The following ITPR2 variants were observed in gnomAD, a reference collection of about 807,000 sequenced individuals.
ITPR2 encodes inositol 1,4,5-trisphosphate-gated calcium channel ITPR2.
A neutral mutation model predicts 317.1 loss-of-function variants in ITPR2; 207 were observed. That is an observed-to-expected ratio of 0.65 (90% confidence interval 0.58 to 0.73). ITPR2 has a LOEUF of 0.73. Ranked by LOEUF, ITPR2 falls within the 30% of genes least tolerant of loss-of-function variation. The probability of loss-of-function intolerance (pLI) is 0.00; values close to 1 mark genes in which losing one functional copy is unlikely to be tolerated. For missense variants in ITPR2, 2,613 were observed against 3,284.0 expected (o/e 0.80, Z 4.99); for synonymous variants, 1,156 against 1,149.1 (o/e 1.01, Z -0.12).
chr12:26,511,460 C>T (rs575872497), intron 37 of ITPR2, among the ~76,000 whole-genome samples: 8 of 152,348 alleles, frequency 5.3e-5, no homozygotes, highest in South Asian at 2.1e-4. Context: ...TCTCACTAAA[C>T]GCCAAGAAGG....
At chr12:26,414,970 G>A (rs1940672702) in intron 51 of ITPR2, among the ~76,000 whole-genome samples, 1 of 152,020 alleles carries the variant, frequency 6.6e-6, no homozygotes, top group South Asian at 2.1e-4. Context: ...TGGGGAGACA[G>A]GGAAAAAGAG....
chr12:26,731,674 A>G (rs1184361289), intron 2 of ITPR2, among the ~76,000 whole-genome samples: 1 of 152,124 alleles, frequency 6.6e-6, no homozygotes, highest in Admixed American at 6.5e-5. Context: ...GCAGTGGACT[A>G]CAAGTCCGAG....
At chr12:26,630,011 C>A (rs1382089887) in intron 22 of ITPR2, among the ~76,000 whole-genome samples, 1 of 152,148 alleles carries the variant, frequency 6.6e-6, no homozygotes, top group Non-Finnish European at 1.5e-5. Flanking sequence ...ATTGATTGAA[C>A]TGATTCTTGG....
At chr12:26,538,388 A>G (rs1477226172) in intron 37 of ITPR2, among the ~76,000 whole-genome samples, 1 of 152,150 alleles carries the variant, frequency 6.6e-6, no homozygotes, top group Non-Finnish European at 1.5e-5. Context: ...TGCTAGAACT[A>G]GCAAAGGAAA....
At chr12:26,418,916 A>T (rs1940804658) in intron 50 of ITPR2, 133 bp downstream of exon 50, 2 of 726,662 alleles carry the variant, frequency 2.8e-6, no homozygotes, top group South Asian at 6.9e-5. Context: ...TTTTCCTAGG[A>T]AATTCTAAAA....
chr12:26,534,100 C>T (rs1482736233), intron 37 of ITPR2, among the ~76,000 whole-genome samples: 1 of 152,226 alleles, frequency 6.6e-6, no homozygotes, highest in Non-Finnish European at 1.5e-5. Context: ...CGTGGAGACA[C>T]CAGCCATCAC....
chr12:26,557,932 G>T (rs1944707910), intron 35 of ITPR2, among the ~76,000 whole-genome samples: 1 of 152,054 alleles, frequency 6.6e-6, no homozygotes, highest in Non-Finnish European at 1.5e-5. Context: ...TTATCAAGCA[G>T]AACATTGCCA....
At chr12:26,407,348 T>G (rs550061850) in intron 52 of ITPR2, among the ~76,000 whole-genome samples, 1 of 152,196 alleles carries the variant, frequency 6.6e-6, no homozygotes, top group Non-Finnish European at 1.5e-5. Context: ...TTGGGCTAGA[T>G]GATTCTTTGT....
chr12:26,777,353 G>C (rs752073429), intron 2 of ITPR2, among the ~76,000 whole-genome samples: 2 of 152,160 alleles, frequency 1.3e-5, no homozygotes, highest in Admixed American at 6.5e-5. Context: ...GGCAGCACCT[G>C]CATCTTTGAA....
intron 34 of ITPR2, among the ~76,000 whole-genome samples, chr12:26,568,972 G>A (rs76861399): frequency 0.023 from 3,497 of 152,204 alleles, 104 homozygotes; most frequent in African/African-American, 0.068. Flanking sequence ...ATGGGTTATT[G>A]AAGAACTAGT....
intron 21 of ITPR2, among the ~76,000 whole-genome samples, chr12:26,642,374 C>T (rs897923471): frequency 6.6e-6 from 1 of 152,126 alleles, no homozygotes; most frequent in Non-Finnish European, 1.5e-5. Context: ...AGAGCACCAC[C>T]CTTATGAATG....
intron 55 of ITPR2, among the ~76,000 whole-genome samples, chr12:26,374,039 T>A (rs1255850873): frequency 6.6e-6 from 1 of 152,206 alleles, no homozygotes; most frequent in African/African-American, 2.4e-5. Context: ...GTTCACAGTA[T>A]GTCTGTCCTC....
intron 13 of ITPR2, among the ~76,000 whole-genome samples, chr12:26,671,569 C>T (rs1290525375): frequency 6.6e-6 from 1 of 152,102 alleles, no homozygotes; most frequent in African/African-American, 2.4e-5. Context: ...TGGAAAGGAA[C>T]AACTGGTACC....
intron 20 of ITPR2, 21 bp from the exon 21 acceptor site, chr12:26,654,147 G>A (rs367803024): frequency 1.4e-5 from 21 of 1,499,720 alleles, no homozygotes; most frequent in Middle Eastern, 2.0e-4. Flanking sequence ...AAAAAAAAGC[G>A]GGGAGGGGGA....
intron 23 of ITPR2, chr12:26,627,450 T>C (rs1338357985): frequency 6.6e-6 from 1 of 152,184 alleles, no homozygotes; most frequent in Non-Finnish European, 1.5e-5. Flanking sequence ...TTCTCCTCTG[T>C]AAAATGGCAC....
At chr12:26,670,285 C>T (rs1369635783) in intron 13 of ITPR2, among the ~76,000 whole-genome samples, 1 of 152,214 alleles carries the variant, frequency 6.6e-6, no homozygotes, top group Non-Finnish European at 1.5e-5. Flanking sequence ...AGCAGCCTAA[C>T]TGGGAGGCAC....
chr12:26,656,203 T>C (rs1363744152), intron 19 of ITPR2, 94 bp downstream of exon 19: 1 of 1,470,948 alleles, frequency 6.8e-7, no homozygotes, highest in African/African-American at 1.4e-5. Context: ...GATACACAAA[T>C]GCCTTTCCAC....
intron 37 of ITPR2, among the ~76,000 whole-genome samples, chr12:26,502,824 C>G (rs1436972521): frequency 6.6e-6 from 1 of 152,136 alleles, no homozygotes; most frequent in Non-Finnish European, 1.5e-5. Flanking sequence ...GGTCTTCCTC[C>G]TAGACAATGG....
In ITPR2 at chr12:26,597,134, A is replaced by C. The variant is rs770408724; in HGVS notation, c.4003T>G (p.Leu1335Val). ...AGCACGTCTTCACCCCCATTTATCA[A>C]CTGAAATGATAATAAGAGAGTCTAT... The part of the protein sequence containing the change: ...KKCQDMVMTE[L>V]INGGEDVLIF... The change falls in exon 31 of 57, where the codon TTG becomes GTG. Residue 1335 changes from leucine (L) to valine (V), a missense_variant and splice_region_variant. Transcript: ENST00000381340. 2 of 1,613,492 alleles carry C rather than the reference A, an allele frequency of 1.2e-6. No individual in the cohort carries two copies. The highest frequency in any genetic ancestry group is 2.2e-5 in the South Asian group (2 of 91,064).
Sources: gnomAD v4.1 joint callset for allele counts (sites outside exome capture counted in the v4.1 genomes callset) on GRCh38, gnomAD v4.1.1 for gene constraint, MANE v1.5 for transcripts, NCBI Gene and HGNC (gene_info 2026-07-23, HGNC 2026-07-21) for gene names.